The following PCDH9 variants were observed in gnomAD, a reference collection of about 807,000 sequenced individuals.
PCDH9 encodes protocadherin-9.
In PCDH9, 24 loss-of-function variants were observed where a neutral mutation model predicts 70.6. The ratio of observed to expected loss-of-function variants is 0.34; its 90% CI spans 0.25 to 0.48. PCDH9 has a LOEUF of 0.48. Among genes scored for constraint, PCDH9 ranks in the 20% least tolerant of loss-of-function variants. The pLI is 0.99. For missense variants in PCDH9, 1,281 were observed against 1,503.6 expected (o/e 0.85, Z 2.45); for synonymous variants, 562 against 558.5 (o/e 1.01, Z -0.09).
intron 2 of PCDH9, among the ~76,000 whole-genome samples, chr13:66,975,281 A>T (rs1026140691): frequency 2.0e-5 from 3 of 152,064 alleles, no homozygotes; most frequent in Non-Finnish European, 4.4e-5. Flanking sequence ...TCAATAAAAT[A>T]TGAACTATTT....
intron 4 of PCDH9, among the ~76,000 whole-genome samples, chr13:66,538,301 A>G (rs1461219296): frequency 6.6e-6 from 1 of 152,188 alleles, no homozygotes; most frequent in East Asian, 1.9e-4. Context: ...CAATGATTTA[A>G]TACTTTTCAA....
At chr13:66,914,303 TAG>T (rs2082521690) in intron 2 of PCDH9, 3 of 151,954 alleles carry the variant, frequency 2.0e-5, no homozygotes, top group Non-Finnish European at 4.4e-5. Flanking sequence ...TCACTGTTAA[TAG>T]AGTCTGTCTT....
At chr13:66,869,500 TA>T (rs1490415896) in intron 3 of PCDH9, among the ~76,000 whole-genome samples, 1 of 152,168 alleles carries the variant, frequency 6.6e-6, no homozygotes, top group Non-Finnish European at 1.5e-5. Context: ...ATAGATTTCT[TA>T]GATTATAAAG....
At chr13:66,647,411 T>C (rs9540852) in intron 3 of PCDH9, among the ~76,000 whole-genome samples, 126,991 of 152,034 alleles carry the variant, frequency 0.84, 54,170 homozygotes, top group Admixed American at 0.91. Flanking sequence ...ATCCAGGCCC[T>C]AGCTCCCAGA....
chr13:66,337,035 T>C (rs1436878823), intron 4 of PCDH9, among the ~76,000 whole-genome samples: 1 of 151,978 alleles, frequency 6.6e-6, no homozygotes, highest in Non-Finnish European at 1.5e-5. Flanking sequence ...TTAGGGAATG[T>C]TTCTTTCCCT....
At chr13:66,799,309 G>A (rs1171303187) in intron 3 of PCDH9, among the ~76,000 whole-genome samples, 1 of 152,158 alleles carries the variant, frequency 6.6e-6, no homozygotes, top group Non-Finnish European at 1.5e-5. Context: ...ACGAGGAAAA[G>A]CAGTCAGCCT....
chr13:66,494,954 T>A (rs1959090109), intron 4 of PCDH9, among the ~76,000 whole-genome samples: 1 of 152,048 alleles, frequency 6.6e-6, no homozygotes, highest in Non-Finnish European at 1.5e-5. Flanking sequence ...TTACTAATTT[T>A]ATTAAGTGTG....
At position 67,227,358 on chromosome 13, in the gene PCDH9, C is replaced by T. The variant is rs1439567295; in HGVS notation, c.1083G>A (p.Arg361=). 1 of 1,613,952 alleles carries T rather than the reference C, an allele frequency of 6.2e-7. No individual in the cohort carries two copies. The highest frequency in any genetic ancestry group is 8.5e-7 in the Non-Finnish European group (1 of 1,179,870). Residue 361 remains arginine (R), a synonymous_variant, in exon 2 of 5, where the codon AGG becomes AGA. Transcript: ENST00000377865. This position sits in a 1 kb window ranked among gnomAD's most constrained non-coding sequence, Gnocchi z 4.6. ...TGCCATTGATGGGACTTATAATGTA[C>T]CTGAGGTCTATATTAGGAGGGTTAT... ...VNDNPPNIDL[R]YIISPINGTV...
At chr13:67,041,536 C>G (rs1221630195) in intron 2 of PCDH9, among the ~76,000 whole-genome samples, 2 of 152,094 alleles carry the variant, frequency 1.3e-5, no homozygotes, top group Admixed American at 1.3e-4. Context: ...TACCCTAAGA[C>G]TGTACCTGTC....
At chr13:66,567,871 T>C (rs1236188310) in intron 4 of PCDH9, among the ~76,000 whole-genome samples, 1 of 152,152 alleles carries the variant, frequency 6.6e-6, no homozygotes, top group Non-Finnish European at 1.5e-5. Context: ...ACTTCTTATA[T>C]AAACCACAGT....
intron 4 of PCDH9, among the ~76,000 whole-genome samples, chr13:66,412,479 T>G (rs1033810995): frequency 2.0e-5 from 3 of 152,228 alleles, no homozygotes; most frequent in Non-Finnish European, 4.4e-5. Flanking sequence ...ACATCATTCT[T>G]TGGAAAGAGG....
At chr13:66,445,819 C>CAT (rs1566331512) in intron 4 of PCDH9, among the ~76,000 whole-genome samples, 2 of 100,578 alleles carry the variant, frequency 2.0e-5, no homozygotes, top group African/African-American at 6.0e-5. Context: ...TATATATACA[C>CAT]ATATATACAC....
At chr13:66,591,459 A>G (rs987448030) in intron 4 of PCDH9, among the ~76,000 whole-genome samples, 3 of 80,980 alleles carry the variant, frequency 3.7e-5, no homozygotes, top group Non-Finnish European at 6.1e-5. Flanking sequence ...GATGGTAACT[A>G]TCTAAAAAAA....
intron 2 of PCDH9, among the ~76,000 whole-genome samples, chr13:67,175,946 TAA>T (rs35318625): frequency 4.8e-5 from 7 of 146,540 alleles, no homozygotes; most frequent in Non-Finnish European, 6.0e-5. Context: ...AGTAAACCAT[TAA>T]AAAAAAAAAA....
intron 4 of PCDH9, chr13:66,323,338 T>C (rs1426416022): frequency 6.6e-6 from 1 of 151,986 alleles, no homozygotes; most frequent in Non-Finnish European, 1.5e-5. Flanking sequence ...GGAATTGCAG[T>C]TGCACTTAAA....
At chr13:66,563,102 G>C (rs1028907072) in intron 4 of PCDH9, among the ~76,000 whole-genome samples, 1 of 152,106 alleles carries the variant, frequency 6.6e-6, no homozygotes, top group African/African-American at 2.4e-5. Flanking sequence ...AGGAATCAGA[G>C]ATTGCCATGT....
intron 2 of PCDH9, among the ~76,000 whole-genome samples, chr13:66,968,323 G>A (rs560298160): frequency 6.6e-6 from 1 of 152,072 alleles, no homozygotes; most frequent in Non-Finnish European, 1.5e-5. Context: ...GATCAGGGCA[G>A]ACAACTATGG....
At chr13:67,110,012 C>T (rs1594524522) in intron 2 of PCDH9, among the ~76,000 whole-genome samples, 1 of 151,984 alleles carries the variant, frequency 6.6e-6, no homozygotes, top group South Asian at 2.1e-4. Context: ...AGAAATACAT[C>T]GGTCCTTGAT....
intron 4 of PCDH9, among the ~76,000 whole-genome samples, chr13:66,494,393 G>A (rs1959081784): frequency 6.6e-6 from 1 of 152,140 alleles, no homozygotes; most frequent in Non-Finnish European, 1.5e-5. Context: ...AAATCACCAA[G>A]CCTGACAAAC....
Sources: gnomAD v4.1 joint callset for allele counts (sites outside exome capture counted in the v4.1 genomes callset) on GRCh38, gnomAD v4.1.1 for gene constraint, Gnocchi (gnomAD v3.1) non-coding constraint, MANE v1.5 for transcripts, NCBI Gene and HGNC (gene_info 2026-07-23, HGNC 2026-07-21) for gene names.